MAGI2: variants seen among roughly 807,000 people sequenced by gnomAD.
MAGI2 encodes the protein membrane-associated guanylate kinase, WW and PDZ domain-containing protein 2.
In MAGI2, 35 loss-of-function variants were observed where a neutral mutation model predicts 133.3. The ratio of observed to expected loss-of-function variants is 0.26; its 90% CI spans 0.20 to 0.35. MAGI2 has a LOEUF of 0.35. Among genes scored for constraint, MAGI2 ranks in the 10% least tolerant of loss-of-function variants. The pLI, the probability that MAGI2 is intolerant of heterozygous loss-of-function variation, is 1.00. For missense variants in MAGI2, 1,636 were observed against 1,863.4 expected (o/e 0.88, Z 2.25); for synonymous variants, 729 against 710.6 (o/e 1.03, Z -0.41).
chr7:78,020,134 C>T (rs1373189220), intron 21 of MAGI2, among the ~76,000 whole-genome samples, 158 bp from the exon 22 acceptor site: 2 of 133,724 alleles, frequency 1.5e-5, no homozygotes, highest in African/African-American at 5.4e-5. Context: ...GCCGAGAGGG[C>T]AGCGGCCGCG....
chr7:79,283,044 C>T (rs1028094660), intron 1 of MAGI2, among the ~76,000 whole-genome samples: 1 of 152,060 alleles, frequency 6.6e-6, no homozygotes, highest in African/African-American at 2.4e-5. Flanking sequence ...TAACATGAAG[C>T]TTAAATATGC....
At chr7:79,421,696 T>C (rs917341613) in intron 1 of MAGI2, among the ~76,000 whole-genome samples, 1 of 151,876 alleles carries the variant, frequency 6.6e-6, no homozygotes, top group Non-Finnish European at 1.5e-5. Context: ...GAATATGATA[T>C]AAAAGAAAGT....
chr7:78,766,116 G>T (rs1471251994), intron 2 of MAGI2, among the ~76,000 whole-genome samples: 1 of 152,188 alleles, frequency 6.6e-6, no homozygotes, highest in Non-Finnish European at 1.5e-5. Context: ...CAGAGGGTTT[G>T]GTTCTCTGCT....
intron 1 of MAGI2, among the ~76,000 whole-genome samples, chr7:79,142,629 T>C (rs1822246798): frequency 6.6e-6 from 1 of 152,156 alleles, no homozygotes. Flanking sequence ...TGTCAACATG[T>C]AGTTTAATCT....
intron 1 of MAGI2, among the ~76,000 whole-genome samples, chr7:79,242,952 C>T (rs1293663278): frequency 6.6e-6 from 1 of 152,062 alleles, no homozygotes; most frequent in Non-Finnish European, 1.5e-5. Flanking sequence ...CACAGTGGCT[C>T]ACATCTGTAA....
At chr7:78,307,172 T>A (rs1798308626) in intron 9 of MAGI2, among the ~76,000 whole-genome samples, 1 of 152,208 alleles carries the variant, frequency 6.6e-6, no homozygotes, top group South Asian at 2.1e-4. Context: ...GACGACTTCA[T>A]GCCCAAAGGA....
At chr7:79,251,843 A>C (rs1833300002) in intron 1 of MAGI2, among the ~76,000 whole-genome samples, 1 of 152,118 alleles carries the variant, frequency 6.6e-6, no homozygotes, top group Non-Finnish European at 1.5e-5. Flanking sequence ...CTAAATGTCC[A>C]TTAGTAGATG....
intron 1 of MAGI2, among the ~76,000 whole-genome samples, chr7:79,366,295 A>G (rs986037888): frequency 5.9e-5 from 9 of 152,182 alleles, no homozygotes; most frequent in Admixed American, 5.9e-4. Context: ...CCAAAATGTT[A>G]TACACTGTAT....
At chr7:79,217,757 T>C (rs1013947209) in intron 1 of MAGI2, among the ~76,000 whole-genome samples, 4 of 152,030 alleles carry the variant, frequency 2.6e-5, no homozygotes, top group Non-Finnish European at 5.9e-5. Flanking sequence ...AAAATGGGGA[T>C]GATGATTCCC....
At chr7:78,788,281 T>C (rs1229145963) in intron 2 of MAGI2, among the ~76,000 whole-genome samples, 2 of 152,224 alleles carry the variant, frequency 1.3e-5, no homozygotes, top group African/African-American at 2.4e-5. Flanking sequence ...GAATTTCTAC[T>C]CTGTGAATTG....
chr7:78,340,339 A>C (rs1450621588), intron 9 of MAGI2, among the ~76,000 whole-genome samples: 1 of 152,216 alleles, frequency 6.6e-6, no homozygotes, highest in African/African-American at 2.4e-5. Flanking sequence ...AAAAATGTCC[A>C]GGACCAGACA....
At chr7:78,596,547 T>C (rs1228148680) in intron 3 of MAGI2, among the ~76,000 whole-genome samples, 1 of 152,152 alleles carries the variant, frequency 6.6e-6, no homozygotes, top group Non-Finnish European at 1.5e-5. Context: ...AAGATCCAAG[T>C]CTTCCTACTT....
intron 10 of MAGI2, among the ~76,000 whole-genome samples, chr7:78,242,668 T>G (rs2150911386): frequency 6.6e-6 from 1 of 152,330 alleles, no homozygotes; most frequent in East Asian, 1.9e-4. Flanking sequence ...CTCAGTAACG[T>G]TTCTATATTA....
Position 78,747,148 on chromosome 7 carries a change from G to A in MAGI2, c.419-119909C>T, listed in dbSNP as rs567047183. Among the ~76,000 whole-genome samples, 178 of 152,166 alleles carry A rather than the reference G, an allele frequency of 1.2e-3. 3 individuals carry two copies. Among genetic ancestry groups the A allele is most frequent in the African/African-American group, 3.5e-3 (147 of 41,530 alleles). On this transcript the variant is annotated intron_variant, in intron 2 of 21. Coordinates refer to ENST00000354212, the MANE Select transcript of MAGI2 (RefSeq NM_012301.4). ...AGTTTTCCTAATTTTCAGAATTCTCGTGGCTTGTGCAATTGGCAAGGTGGT... is the reference window on the plus strand; with the variant it reads ...AGTTTTCCTAATTTTCAGAATTCTCATGGCTTGTGCAATTGGCAAGGTGGT...
chr7:78,334,514 G>GT (rs752577077), intron 9 of MAGI2, among the ~76,000 whole-genome samples: 32 of 152,270 alleles, frequency 2.1e-4, no homozygotes, highest in African/African-American at 4.8e-4. Context: ...AAAGATTAGG[G>GT]TTTTTTCTGT....
intron 2 of MAGI2, among the ~76,000 whole-genome samples, chr7:78,629,146 C>A (rs1173231396): frequency 6.6e-6 from 1 of 152,146 alleles, no homozygotes; most frequent in Non-Finnish European, 1.5e-5. Context: ...TTGTGCTCTT[C>A]TTGGGAGGCC....
At chr7:78,827,428 A>G (rs560278323) in intron 2 of MAGI2, among the ~76,000 whole-genome samples, 1 of 148,594 alleles carries the variant, frequency 6.7e-6, no homozygotes, top group African/African-American at 2.5e-5. Context: ...ACAGGTGCAC[A>G]CCACCATTCC....
At chr7:78,939,665 A>G (rs1800816266) in intron 2 of MAGI2, among the ~76,000 whole-genome samples, 1 of 152,210 alleles carries the variant, frequency 6.6e-6, no homozygotes, top group Non-Finnish European at 1.5e-5. Context: ...CTGGGAAAGA[A>G]TCTATTACCT....
At chr7:79,136,437 A>G (rs370891723) in intron 1 of MAGI2, among the ~76,000 whole-genome samples, 1 of 152,208 alleles carries the variant, frequency 6.6e-6, no homozygotes. Context: ...GTGAACATTC[A>G]AGGACTAGCA....
Sources: gnomAD v4.1 joint callset for allele counts (sites outside exome capture counted in the v4.1 genomes callset) on GRCh38, gnomAD v4.1.1 for gene constraint, MANE v1.5 for transcripts, NCBI Gene and HGNC (gene_info 2026-07-23, HGNC 2026-07-21) for gene names.